PPM1L: variants seen among roughly 807,000 people sequenced by gnomAD.
PPM1L encodes protein phosphatase, Mg2+/Mn2+ dependent 1L, also known as protein phosphatase 1L.
In PPM1L, 13 loss-of-function variants were observed where a neutral mutation model predicts 31.4. The observed-to-expected ratio is 0.41, with a 90% confidence interval of 0.27 to 0.66. PPM1L has a LOEUF of 0.66. PPM1L is among the 30% of genes least tolerant of loss of function. The pLI is 0.29. For missense variants in PPM1L, 326 were observed against 453.7 expected (o/e 0.72, Z 2.56); for synonymous variants, 184 against 175.4 (o/e 1.05, Z -0.39).
intron 1 of PPM1L, among the ~76,000 whole-genome samples, chr3:160,766,544 T>C (rs188004244): frequency 6.6e-6 from 1 of 152,320 alleles, no homozygotes; most frequent in Non-Finnish European, 1.5e-5. Flanking sequence ...TGTGAAGAGA[T>C]GATTTCCACT....
intron 2 of PPM1L, among the ~76,000 whole-genome samples, chr3:160,989,977 T>TTTTAGTTTTG (rs1717078724): frequency 6.8e-6 from 1 of 146,574 alleles, no homozygotes; most frequent in Non-Finnish European, 1.5e-5. Flanking sequence ...AGCAACGTTG[T>TTTTAGTTTTG]TTTTGTTTTG....
intron 1 of PPM1L, among the ~76,000 whole-genome samples, chr3:160,910,253 T>C (rs1713917250): frequency 2.8e-5 from 1 of 35,940 alleles, no homozygotes; most frequent in African/African-American, 9.7e-5. Context: ...TCCTTTCCCC[T>C]TCCCCTTTCC....
chr3:160,966,238 T>A (rs1374748660), intron 2 of PPM1L, among the ~76,000 whole-genome samples: 2 of 152,160 alleles, frequency 1.3e-5, no homozygotes, highest in South Asian at 4.1e-4. Context: ...TTTTCCAATG[T>A]GGTATTTCCT....
chr3:160,903,107 G>GT (rs1206160798), intron 1 of PPM1L, among the ~76,000 whole-genome samples: 5 of 150,098 alleles, frequency 3.3e-5, no homozygotes, highest in African/African-American at 9.8e-5. Context: ...ATTGCCCAAG[G>GT]TTAGGTGTGG....
At chr3:160,945,788 C>G (rs1715388388) in intron 1 of PPM1L, among the ~76,000 whole-genome samples, 1 of 152,090 alleles carries the variant, frequency 6.6e-6, no homozygotes, top group Non-Finnish European at 1.5e-5. Flanking sequence ...CCTCCTCAGC[C>G]TACTCAACAT....
At chr3:160,766,450 T>A (rs750362623) in intron 1 of PPM1L, among the ~76,000 whole-genome samples, 1 of 152,198 alleles carries the variant, frequency 6.6e-6, no homozygotes, top group Non-Finnish European at 1.5e-5. Context: ...GTTCTCATGA[T>A]ACTGAGTGAG....
intron 1 of PPM1L, among the ~76,000 whole-genome samples, chr3:160,951,548 T>C (rs1013111762): frequency 2.0e-5 from 3 of 152,180 alleles, no homozygotes; most frequent in Non-Finnish European, 4.4e-5. Flanking sequence ...AGGTAAGTTA[T>C]TTTTTATGTA....
At chr3:160,897,715 A>T (rs1173396685) in intron 1 of PPM1L, among the ~76,000 whole-genome samples, 1 of 152,266 alleles carries the variant, frequency 6.6e-6, no homozygotes, top group Non-Finnish European at 1.5e-5. Context: ...TTCATCTGCC[A>T]GAATGGCACT....
At chr3:161,016,471 G>A (rs1718091120) in intron 2 of PPM1L, among the ~76,000 whole-genome samples, 1 of 152,166 alleles carries the variant, frequency 6.6e-6, no homozygotes, top group South Asian at 2.1e-4. Context: ...ACCAAGATAT[G>A]GAACGCTGAA....
intron 1 of PPM1L, among the ~76,000 whole-genome samples, chr3:160,891,387 A>G (rs1057282292): frequency 6.6e-6 from 1 of 152,216 alleles, no homozygotes; most frequent in Admixed American, 6.5e-5. Flanking sequence ...GCCAACAACT[A>G]TGAAAAAAAG....
At chr3:161,027,666 A>C (rs1186237124) in intron 2 of PPM1L, among the ~76,000 whole-genome samples, 1 of 152,160 alleles carries the variant, frequency 6.6e-6, no homozygotes, top group African/African-American at 2.4e-5. Flanking sequence ...TCAAGATGCG[A>C]TTTGGGTGGC....
intron 1 of PPM1L, among the ~76,000 whole-genome samples, chr3:160,781,408 A>G (rs1484402607): frequency 1.3e-5 from 2 of 152,110 alleles, no homozygotes; most frequent in African/African-American, 4.8e-5. Flanking sequence ...TTCCTCGCCA[A>G]ATAGGTGAGG....
chr3:160,982,688 A>G (rs1716839204), intron 2 of PPM1L, among the ~76,000 whole-genome samples: 1 of 152,180 alleles, frequency 6.6e-6, no homozygotes, highest in South Asian at 2.1e-4. Flanking sequence ...GGAATGCAGC[A>G]AAAATGAGGA....
At chr3:161,028,794 G>C (rs910459269) in intron 2 of PPM1L, among the ~76,000 whole-genome samples, 1 of 152,174 alleles carries the variant, frequency 6.6e-6, no homozygotes, top group Admixed American at 6.5e-5. Context: ...ATTAATAAAA[G>C]CTTATCAGGA....
intron 1 of PPM1L, among the ~76,000 whole-genome samples, chr3:160,943,869 G>A (rs1298975817): frequency 6.6e-6 from 1 of 152,070 alleles, no homozygotes; most frequent in African/African-American, 2.4e-5. Context: ...TTATTCTAGG[G>A]CACTTGTATC....
intron 1 of PPM1L, among the ~76,000 whole-genome samples, chr3:160,814,875 C>A (rs1448131166): frequency 6.6e-6 from 1 of 151,872 alleles, no homozygotes; most frequent in Non-Finnish European, 1.5e-5. Flanking sequence ...AGTTGGAGAC[C>A]ATTATTCTAA....
Position 161,071,404 on chromosome 3 carries a change from C to T in PPM1L, c.*2247C>T, listed in dbSNP as rs1719913720. On this transcript the variant is annotated 3_prime_UTR_variant, in exon 4 of 4. Transcript: ENST00000498165. ...TGATAAAGATGAAAAAGAAAAGCTA[C>T]TAAATTAGTAAATCAGTGGTTACGT... 1 of 152,210 alleles carries T rather than the reference C, an allele frequency of 6.6e-6. No homozygotes were observed. The allele number at this position is 152,210 out of a possible 1,614,324, so 9.4% of individuals were successfully genotyped here.
At chr3:161,011,727 C>CTTATAG (rs1717902393) in intron 2 of PPM1L, among the ~76,000 whole-genome samples, 1 of 152,098 alleles carries the variant, frequency 6.6e-6, no homozygotes, top group Admixed American at 6.6e-5. Flanking sequence ...TGAAGAGGTC[C>CTTATAG]TTCACATCCC....
rs1713355075 is a variant in PPM1L, at chr3:160,897,003, A to G, written c.400-64733A>G. ...TTACAGCTATAGTGATTGCTAGTCT[A>G]GTCACAGTCAGTGGCTGACATTTCT... On this transcript the variant is annotated intron_variant, in intron 1 of 3. Transcript: ENST00000498165. 2.0e-5 allele frequency among the ~76,000 whole-genome samples: 3 copies of G among 149,572 alleles called. No individual in the cohort carries two copies. The South Asian group carries it at 6.3e-4, about 32-fold the overall frequency.
Sources: allele counts gnomAD v4.1 joint callset (sites outside exome capture counted in the v4.1 genomes callset), GRCh38; gene constraint gnomAD v4.1.1; transcripts MANE v1.5; gene names NCBI Gene and HGNC (gene_info 2026-07-23, HGNC 2026-07-21).